SPATA16: variants seen among roughly 807,000 people sequenced by gnomAD.
SPATA16 encodes the protein spermatogenesis-associated protein 16.
Under a neutral mutation model 63.3 loss-of-function variants are expected in SPATA16, and 36 were observed. The observed-to-expected ratio is 0.57, with a 90% CI of 0.44 to 0.75. The LOEUF is 0.75. Among genes scored for constraint, SPATA16 ranks in the 30% least tolerant of loss-of-function variants. The probability of loss-of-function intolerance (pLI) is 0.00; values close to 1 mark genes in which losing one functional copy is unlikely to be tolerated. For missense variants in SPATA16, 646 were observed against 679.3 expected (o/e 0.95, Z 0.54); for synonymous variants, 203 against 216.7 (o/e 0.94, Z 0.56).
At chr3:172,953,933 AAAG>A (rs1444225821) in intron 6 of SPATA16, among the ~76,000 whole-genome samples, 2 of 152,238 alleles carry the variant, frequency 1.3e-5, no homozygotes, top group Non-Finnish European at 2.9e-5. Context: ...TGGGCAGAGC[AAAG>A]AAGAAAATAG....
At chr3:172,910,777 T>C (rs569258136) in intron 10 of SPATA16, among the ~76,000 whole-genome samples, 17 of 152,294 alleles carry the variant, frequency 1.1e-4, no homozygotes, top group Admixed American at 9.8e-4. Context: ...TACTCTATTA[T>C]ACTCTTTCTA....
intron 4 of SPATA16, among the ~76,000 whole-genome samples, chr3:172,996,589 C>G (rs1003540140): frequency 6.6e-6 from 1 of 152,130 alleles, no homozygotes; most frequent in Non-Finnish European, 1.5e-5. Flanking sequence ...CACAACCTCC[C>G]CGACTGTCAA....
At chr3:172,963,752 T>C (rs1733842714) in intron 5 of SPATA16, among the ~76,000 whole-genome samples, 1 of 152,134 alleles carries the variant, frequency 6.6e-6, no homozygotes. Flanking sequence ...ATGGAAAGGA[T>C]CTAAAATATT....
Position 172,916,383 on chromosome 3 carries a change from AT to A in SPATA16, c.1436del (p.Asn479IlefsTer7). ...QRVKEQSQVI[N>X]QAMAELATIP... ...TGGTTGCTAGCTCTGCCATTGCTTG[AT>A]TAATCACCTGGGACTGCTCCTTTAC... is the stretch of plus-strand genomic sequence containing the variant. On this transcript the variant is annotated frameshift_variant, in exon 9 of 11. Coordinates refer to ENST00000351008, the MANE Select transcript of SPATA16 (RefSeq NM_031955.6). LOFTEE classifies it high-confidence loss of function. The A allele has an allele frequency of 6.2e-7, 1 of 1,613,878 alleles. No individual in the cohort carries two copies. The highest frequency in any genetic ancestry group is 8.5e-7 in the Non-Finnish European group (1 of 1,179,806).
intron 10 of SPATA16, among the ~76,000 whole-genome samples, chr3:172,901,374 A>G (rs150529215): frequency 2.6e-5 from 4 of 152,010 alleles, no homozygotes; most frequent in African/African-American, 9.6e-5. Context: ...TAATTTTTGT[A>G]TTTTTAGTAG....
At chr3:172,907,188 C>T (rs191336120) in intron 10 of SPATA16, among the ~76,000 whole-genome samples, 8 of 152,226 alleles carry the variant, frequency 5.3e-5, no homozygotes, top group East Asian at 1.9e-4. Flanking sequence ...AAGTGGCTTC[C>T]GACTTAATTT....
At chr3:173,051,134 TA>T (rs1453263551) in intron 2 of SPATA16, among the ~76,000 whole-genome samples, 6 of 152,070 alleles carry the variant, frequency 3.9e-5, no homozygotes, top group African/African-American at 1.2e-4. Context: ...AAAACAAAAT[TA>T]GTAGTAATTA....
intron 2 of SPATA16, among the ~76,000 whole-genome samples, chr3:173,104,113 A>G (rs1737564836): frequency 6.6e-6 from 1 of 152,188 alleles, no homozygotes; most frequent in South Asian, 2.1e-4. Flanking sequence ...ACCAATTCCC[A>G]AAAAGTTCCT....
chr3:173,063,382 G>A (rs967118263), intron 2 of SPATA16, among the ~76,000 whole-genome samples: 8 of 152,172 alleles, frequency 5.3e-5, no homozygotes, highest in Non-Finnish European at 1.2e-4. Context: ...GGACTCTACG[G>A]TTGGTCAGAG....
At chr3:172,945,662 C>T (rs1374234353) in intron 6 of SPATA16, among the ~76,000 whole-genome samples, 1 of 152,084 alleles carries the variant, frequency 6.6e-6, no homozygotes, top group African/African-American at 2.4e-5. Flanking sequence ...GGGGCAGAAC[C>T]CAGTCAGCAC....
intron 4 of SPATA16, among the ~76,000 whole-genome samples, chr3:173,010,401 C>A (rs1402803771): frequency 6.6e-6 from 1 of 151,818 alleles, no homozygotes; most frequent in Non-Finnish European, 1.5e-5. Flanking sequence ...AGCATAGCTG[C>A]CCCACCCGGC....
At chr3:172,965,956 A>G (rs528705530) in intron 5 of SPATA16, among the ~76,000 whole-genome samples, 1 of 152,316 alleles carries the variant, frequency 6.6e-6, no homozygotes, top group African/African-American at 2.4e-5. Flanking sequence ...TATATTTTAA[A>G]AAGAACAGAT....
intron 2 of SPATA16, among the ~76,000 whole-genome samples, chr3:173,057,920 G>T (rs1269103192): frequency 6.6e-6 from 1 of 152,092 alleles, no homozygotes; most frequent in East Asian, 1.9e-4. Context: ...GATTGGGACA[G>T]AAATACAACA....
At position 173,078,319 on chromosome 3, in the gene SPATA16, T is replaced by TG. The variant is rs1736850885; in HGVS notation, c.613-29226dup. Among the ~76,000 whole-genome samples the TG allele has an allele frequency of 2.0e-5, 3 of 152,182 alleles. No homozygotes were observed. In the South Asian group the frequency reaches 6.2e-4, roughly 32 times the overall value. ...TACTAACATACTGTTAGTGCAATACTGGCTCTTAGACAGGAAATTTCTACA... is the reference window on the plus strand; with the variant it reads ...TACTAACATACTGTTAGTGCAATACTGGGCTCTTAGACAGGAAATTTCTACA... On this transcript the variant is annotated intron_variant, in intron 2 of 10. Coordinates refer to ENST00000351008, the MANE Select transcript of SPATA16 (RefSeq NM_031955.6).
intron 2 of SPATA16, among the ~76,000 whole-genome samples, chr3:173,056,583 A>G (rs969399386): frequency 6.6e-6 from 1 of 151,934 alleles, no homozygotes; most frequent in African/African-American, 2.4e-5. Flanking sequence ...GGGCCCCTGT[A>G]ACCCCAACTA....
At chr3:173,122,206 A>T (rs2108341028) in intron 1 of SPATA16, among the ~76,000 whole-genome samples, 1 of 152,342 alleles carries the variant, frequency 6.6e-6, no homozygotes, top group East Asian at 1.9e-4. Context: ...TACAAGTACA[A>T]GGAACAAAGA....
In SPATA16 at chr3:173,029,234, A is replaced by G. The variant is rs1735540040; in HGVS notation, c.759-9659T>C. 7.9e-5 allele frequency among the ~76,000 whole-genome samples: 12 copies of G among 152,048 alleles called. No homozygotes were observed. In the South Asian group the frequency reaches 2.5e-3, roughly 31 times the overall value. On this transcript the variant is annotated intron_variant, in intron 3 of 10. Coordinates refer to ENST00000351008, the MANE Select transcript of SPATA16 (RefSeq NM_031955.6). The stretch of plus-strand genomic sequence containing the variant: ...TAAATGACTTTCAAGTATATTCACG[A>G]AAATTTCTTATAATGCATTATCCAG...
chr3:173,115,382 T>A (rs1737867654), intron 2 of SPATA16, among the ~76,000 whole-genome samples: 1 of 152,200 alleles, frequency 6.6e-6, no homozygotes, highest in Non-Finnish European at 1.5e-5. Flanking sequence ...AAAATAAATT[T>A]CAGCTGAAGA....
intron 3 of SPATA16, among the ~76,000 whole-genome samples, chr3:173,023,302 G>A (rs1735380008): frequency 1.3e-5 from 2 of 151,790 alleles, no homozygotes; most frequent in Admixed American, 6.6e-5. Flanking sequence ...GATATGCCAC[G>A]TTTATTATAC....
Sources: allele counts gnomAD v4.1 joint callset (sites outside exome capture counted in the v4.1 genomes callset), GRCh38; gene constraint gnomAD v4.1.1; transcripts MANE v1.5; gene names NCBI Gene and HGNC (gene_info 2026-07-23, HGNC 2026-07-21).